AFF3: variants seen among roughly 807,000 people sequenced by gnomAD.
AFF3 encodes the protein AF4/FMR2 family member 3.
A neutral mutation model predicts 129.7 loss-of-function variants in AFF3; 32 were observed. The ratio of observed to expected loss-of-function variants is 0.25; its 90% CI spans 0.19 to 0.33. AFF3 has a LOEUF of 0.33. Ranked by LOEUF, AFF3 falls within the 10% of genes least tolerant of loss-of-function variation. The pLI is 1.00. For missense variants in AFF3, 1,373 were observed against 1,592.0 expected, an observed-to-expected ratio of 0.86 and a Z score of 2.34; for synonymous variants, 644 against 635.4, an observed-to-expected ratio of 1.01 and a Z score of -0.20.
At chr2:99,768,158 T>A (rs1481221650) in intron 8 of AFF3, among the ~76,000 whole-genome samples, 1 of 152,208 alleles carries the variant, frequency 6.6e-6, no homozygotes, top group Non-Finnish European at 1.5e-5. Context: ...AGTTTTTAAT[T>A]GAAAAAGTAT....
intron 10 of AFF3, among the ~76,000 whole-genome samples, chr2:99,741,306 A>G (rs1680698329): frequency 6.6e-6 from 1 of 152,166 alleles, no homozygotes; most frequent in South Asian, 2.1e-4. Flanking sequence ...ACATGATTGT[A>G]TATCTAGAAA....
intron 12 of AFF3, among the ~76,000 whole-genome samples, chr2:99,659,405 T>C (rs1455297552): frequency 6.6e-6 from 1 of 152,046 alleles, no homozygotes; most frequent in Admixed American, 6.5e-5. Flanking sequence ...ACAATGCAGG[T>C]AGTATATGCA....
intron 4 of AFF3, among the ~76,000 whole-genome samples, chr2:100,079,253 G>A (rs1272307360): frequency 2.0e-5 from 3 of 152,094 alleles, no homozygotes; most frequent in Non-Finnish European, 4.4e-5. Context: ...GCCTTTTGCT[G>A]AATATTTTCA....
At chr2:99,663,736 G>C (rs4611689) in intron 12 of AFF3, among the ~76,000 whole-genome samples, 77,244 of 152,092 alleles carry the variant, frequency 0.51, 19,666 homozygotes, top group East Asian at 0.64. Flanking sequence ...CAATATGTTT[G>C]GATAACGTAA....
intron 22 of AFF3, among the ~76,000 whole-genome samples, chr2:99,555,404 T>C (rs1356030444): frequency 6.6e-6 from 1 of 152,262 alleles, no homozygotes; most frequent in East Asian, 1.9e-4. Context: ...TTTAAAAGTA[T>C]TTCTTCTTAA....
chr2:99,861,622 C>G (rs1307456399), intron 7 of AFF3, among the ~76,000 whole-genome samples: 2 of 152,124 alleles, frequency 1.3e-5, no homozygotes, highest in African/African-American at 4.8e-5. Context: ...TGTACTTAAC[C>G]ACTTCCTCTT....
chr2:99,670,825 T>C (rs1051267675), intron 12 of AFF3, among the ~76,000 whole-genome samples: 1 of 152,170 alleles, frequency 6.6e-6, no homozygotes, highest in Non-Finnish European at 1.5e-5. Context: ...TTCCTTTTAT[T>C]GCAAAAATAG....
intron 4 of AFF3, among the ~76,000 whole-genome samples, chr2:100,045,585 A>G (rs1487493930): frequency 6.6e-6 from 1 of 150,974 alleles, no homozygotes; most frequent in Non-Finnish European, 1.5e-5. Context: ...TTTTTTGATA[A>G]AAGTTACAGC....
chr2:99,858,146 G>A (rs373322836), intron 7 of AFF3, among the ~76,000 whole-genome samples: 4 of 152,146 alleles, frequency 2.6e-5, no homozygotes, highest in African/African-American at 9.7e-5. Flanking sequence ...GGTTGAAGGA[G>A]GACTGACTTG....
At chr2:99,734,266 A>T (rs529339915) in intron 10 of AFF3, among the ~76,000 whole-genome samples, 2 of 152,180 alleles carry the variant, frequency 1.3e-5, no homozygotes, top group South Asian at 2.1e-4. Context: ...AATCTTGCTA[A>T]ATTTTCTTAT....
chr2:99,797,448 G>A (rs1405839352), intron 8 of AFF3, among the ~76,000 whole-genome samples: 1 of 152,032 alleles, frequency 6.6e-6, no homozygotes, highest in Non-Finnish European at 1.5e-5. Context: ...CTTCATGTGT[G>A]ATCTAATGTA....
chr2:99,631,184 C>T (rs1683085836), intron 13 of AFF3, among the ~76,000 whole-genome samples: 1 of 152,162 alleles, frequency 6.6e-6, no homozygotes, highest in Admixed American at 6.5e-5. Context: ...CTCTTCTTTC[C>T]CAAAGAACCC....
intron 13 of AFF3, among the ~76,000 whole-genome samples, chr2:99,646,054 C>T (rs894554093): frequency 2.0e-5 from 3 of 152,188 alleles, no homozygotes; most frequent in Non-Finnish European, 4.4e-5. Flanking sequence ...TGAAGTTGGG[C>T]TTCCTTATAG....
chr2:100,100,780 G>A (rs570379032), intron 4 of AFF3, among the ~76,000 whole-genome samples: 1 of 152,290 alleles, frequency 6.6e-6, no homozygotes, highest in East Asian at 1.9e-4. Flanking sequence ...CTGTTAAAAG[G>A]GATGGTCATT....
Position 99,978,264 on chromosome 2 carries a change from A to C in AFF3, c.873+28368T>G, listed in dbSNP as rs543339429. Among the ~76,000 whole-genome samples the C allele has an allele frequency of 6.9e-4, 105 of 152,312 alleles. 1 individual carries two copies. The highest frequency in any genetic ancestry group is 1.0e-3 in the Non-Finnish European group (71 of 68,022). Reference sequence around the variant, plus strand: ...CCCAGGAACTACAAATCTAAATAGGATAAACATGTTTATATGTGAGTGCCT... The same window carrying C: ...CCCAGGAACTACAAATCTAAATAGGCTAAACATGTTTATATGTGAGTGCCT... On this transcript the variant is annotated intron_variant, in intron 7 of 24. Transcript: ENST00000672756.
At chr2:99,682,086 T>C (rs2104561798) in intron 11 of AFF3, among the ~76,000 whole-genome samples, 1 of 152,104 alleles carries the variant, frequency 6.6e-6, no homozygotes, top group South Asian at 2.1e-4. Context: ...TTTGTATTTT[T>C]AGTAGAGACA....
intron 11 of AFF3, among the ~76,000 whole-genome samples, chr2:99,704,982 T>G (rs1392907125): frequency 6.6e-6 from 1 of 152,022 alleles, no homozygotes; most frequent in Non-Finnish European, 1.5e-5. Flanking sequence ...GAGATCACCA[T>G]GAGAAGAAGG....
chr2:100,008,991 A>C (rs1313601294), intron 4 of AFF3, 59 bp from the exon 5 acceptor site: 1 of 1,588,472 alleles, frequency 6.3e-7, no homozygotes, highest in South Asian at 1.2e-5. Context: ...GTAAAGCCCA[A>C]TGTAACACTT....
At chr2:100,132,754 T>C (rs1375560283) in intron 1 of AFF3, among the ~76,000 whole-genome samples, 2 of 152,170 alleles carry the variant, frequency 1.3e-5, no homozygotes, top group African/African-American at 4.8e-5. Flanking sequence ...CAAAAAAATG[T>C]TAAATATCTC....
Sources: gnomAD v4.1 joint callset for allele counts (sites outside exome capture counted in the v4.1 genomes callset) on GRCh38, gnomAD v4.1.1 for gene constraint, MANE v1.5 for transcripts, NCBI Gene and HGNC (gene_info 2026-07-23, HGNC 2026-07-21) for gene names.